CD28: variants seen among roughly 807,000 people sequenced by gnomAD.
The protein encoded by CD28 is T-cell-specific surface glycoprotein CD28.
In CD28, 8 loss-of-function variants were observed where a neutral mutation model predicts 21.4. That is an observed-to-expected ratio of 0.37 (90% confidence interval 0.22 to 0.68). The LOEUF is 0.68. CD28 is among the 30% of genes least tolerant of loss of function. CD28 has a pLI of 0.55. For synonymous variants in CD28, 106 were observed against 104.0 expected (o/e 1.02, Z -0.12); for missense variants, 239 against 272.2 (o/e 0.88, Z 0.86).
chr2:203,729,826 A>C (rs1276210366), intron 3 of CD28, 54 bp downstream of exon 3: 21 of 1,576,632 alleles, frequency 1.3e-5, no homozygotes, highest in Non-Finnish European at 1.6e-5. Flanking sequence ...ATGAAATCTG[A>C]ACACATTCAA....
At chr2:203,722,342 A>T (rs1382449582) in intron 1 of CD28, among the ~76,000 whole-genome samples, 10 of 152,344 alleles carry the variant, frequency 6.6e-5, no homozygotes, top group African/African-American at 2.4e-4. Flanking sequence ...AAACAAAAAA[A>T]CAAATTGGAT....
chr2:203,732,064 C>T (rs1693909695), intron 3 of CD28, among the ~76,000 whole-genome samples: 2 of 152,158 alleles, frequency 1.3e-5, no homozygotes, highest in Admixed American at 1.3e-4. Flanking sequence ...CAACAAGTAC[C>T]TTGCTGAGTT....
chr2:203,706,642 C>T lies in CD28; in HGVS notation c.-55C>T. On this transcript the variant is annotated 5_prime_UTR_variant, in exon 1 of 4. Transcript: ENST00000324106. ...GGTGCGTCTTTCAGTTCCCCTCACACTTCGGGTTCCTCGGGGAGGAGGGGC... is the reference window on the plus strand; with the variant it reads ...GGTGCGTCTTTCAGTTCCCCTCACATTTCGGGTTCCTCGGGGAGGAGGGGC... 2 of 1,613,874 alleles carry T rather than the reference C, an allele frequency of 1.2e-6. No individual in the cohort carries two copies. Among genetic ancestry groups the T allele is most frequent in the Non-Finnish European group, 1.7e-6 (2 of 1,179,906 alleles).
At chr2:203,725,830 C>T (rs1334827767) in intron 1 of CD28, among the ~76,000 whole-genome samples, 1 of 150,794 alleles carries the variant, frequency 6.6e-6, no homozygotes, top group Non-Finnish European at 1.5e-5. Flanking sequence ...CTTCATCCCA[C>T]TCTTGCAATG....
At chr2:203,706,818 A>G (rs1693169540) in intron 1 of CD28, 70 bp downstream of exon 1, 1 of 1,202,002 alleles carries the variant, frequency 8.3e-7, no homozygotes, top group Non-Finnish European at 1.2e-6. Context: ...AGTTTATTTT[A>G]AATTTCTAAC....
chr2:203,717,750 T>C (rs1331341568), intron 1 of CD28, among the ~76,000 whole-genome samples: 8 of 152,174 alleles, frequency 5.3e-5, no homozygotes, highest in African/African-American at 1.9e-4. Flanking sequence ...TGGATTTTGG[T>C]ATCTGCAGGG....
In CD28 at chr2:203,735,648, G is replaced by A. The variant is rs200642074; in HGVS notation, c.*736G>A. ...GTGTTAATGTTCACAATATACTTTC[G>A]AAAGAATAAAATAGTTCTCCTACAT... On this transcript the variant is annotated 3_prime_UTR_variant, in exon 4 of 4. Coordinates refer to ENST00000324106, the MANE Select transcript of CD28 (RefSeq NM_006139.4). 1 of 152,440 alleles carries A rather than the reference G, an allele frequency of 6.6e-6. No individual in the cohort carries two copies. The highest frequency in any genetic ancestry group is 1.5e-5 in the Non-Finnish European group (1 of 68,032). 9.4% of individuals were successfully genotyped at this position (152,440 alleles called of 1,614,324 possible). A position where few individuals can be genotyped will look rare whatever the true frequency, so the allele number is the denominator to read the frequency against.
At chr2:203,721,735 C>G (rs1425688090) in intron 1 of CD28, among the ~76,000 whole-genome samples, 2 of 152,164 alleles carry the variant, frequency 1.3e-5, no homozygotes, top group African/African-American at 2.4e-5. Context: ...CACTGTGTCA[C>G]TATGTTTAAA....
At chr2:203,730,685 T>C (rs1693867952) in intron 3 of CD28, among the ~76,000 whole-genome samples, 1 of 152,224 alleles carries the variant, frequency 6.6e-6, no homozygotes, top group African/African-American at 2.4e-5. Flanking sequence ...CTCTTGATAT[T>C]CTCCATTTGA....
rs34357514 is a variant in CD28, at chr2:203,709,109, C to CAAA, written c.52+2374_52+2376dup. On this transcript the variant is annotated intron_variant, in intron 1 of 3. Transcript: ENST00000324106. Reference sequence around the variant, plus strand: ...TGCACTCCAGCCTGGGAAACAGTCTCAAAAAAAAAAAAAAATTATGCTGCA... The same window carrying CAAA: ...TGCACTCCAGCCTGGGAAACAGTCTCAAAAAAAAAAAAAAAAAATTATGCTGCA... Among the ~76,000 whole-genome samples the CAAA allele has an allele frequency of 9.5e-3, 1,315 of 138,262 alleles. 16 individuals are homozygous for CAAA. The highest frequency in any genetic ancestry group is 0.032 in the African/African-American group (1,210 of 37,742). 90.7% of individuals were successfully genotyped at this position (138,262 alleles called of 152,430 possible).
intron 3 of CD28, among the ~76,000 whole-genome samples, chr2:203,730,910 C>G (rs559304409): frequency 6.6e-6 from 1 of 152,196 alleles, no homozygotes; most frequent in African/African-American, 2.4e-5. Context: ...TTGGTGACTG[C>G]GGGTACAGAC....
intron 1 of CD28, among the ~76,000 whole-genome samples, chr2:203,726,258 G>A (rs1693745589): frequency 6.6e-6 from 1 of 152,066 alleles, no homozygotes. Flanking sequence ...TCTGTGTCAG[G>A]CACTAAAGCC....
At chr2:203,717,010 C>T (rs887518846) in intron 1 of CD28, among the ~76,000 whole-genome samples, 2 of 151,978 alleles carry the variant, frequency 1.3e-5, no homozygotes, top group African/African-American at 4.8e-5. Flanking sequence ...CCACACCCAG[C>T]TAATTTTTGT....
chr2:203,716,218 C>T (rs1166941315), intron 1 of CD28, among the ~76,000 whole-genome samples: 1 of 152,154 alleles, frequency 6.6e-6, no homozygotes, highest in East Asian at 1.9e-4. Context: ...AGGTCATTTC[C>T]ATGATCTTAG....
At chr2:203,728,356 A>G (rs1044744654) in intron 2 of CD28, among the ~76,000 whole-genome samples, 1 of 152,236 alleles carries the variant, frequency 6.6e-6, no homozygotes, top group Non-Finnish European at 1.5e-5. Context: ...AGAAGAATAC[A>G]GTATTGGTAG....
At chr2:203,727,046 C>A in intron 2 of CD28, 57 bp downstream of exon 2, 1 of 1,082,934 alleles carries the variant, frequency 9.2e-7, no homozygotes, top group Non-Finnish European at 1.4e-6. Flanking sequence ...AAATGCAGTC[C>A]TGAAAACTGG....
intron 2 of CD28, 28 bp downstream of exon 2, chr2:203,727,017 C>A: frequency 3.7e-6 from 5 of 1,367,104 alleles, no homozygotes; most frequent in Non-Finnish European, 5.2e-6. Flanking sequence ...CAGTGTACCA[C>A]CCTAAAGTAA....
At chr2:203,723,621 C>T (rs1458300679) in intron 1 of CD28, among the ~76,000 whole-genome samples, 1 of 152,026 alleles carries the variant, frequency 6.6e-6, no homozygotes, top group Non-Finnish European at 1.5e-5. Context: ...AGACCAATGG[C>T]TAATAAGCAC....
At chr2:203,733,398 C>G (rs1693948547) in intron 3 of CD28, among the ~76,000 whole-genome samples, 1 of 151,892 alleles carries the variant, frequency 6.6e-6, no homozygotes, top group Non-Finnish European at 1.5e-5. Flanking sequence ...ATGGTAGTGT[C>G]ATTCACTCAG....
Sources: allele counts gnomAD v4.1 joint callset (sites outside exome capture counted in the v4.1 genomes callset), GRCh38; gene constraint gnomAD v4.1.1; transcripts MANE v1.5; gene names NCBI Gene and HGNC (gene_info 2026-07-23, HGNC 2026-07-21).